Variants in SH3PXD2A observed in about 807,000 individuals in gnomAD.
SH3PXD2A encodes SH3 and PX domains 2A, also known as SH3 and PX domain-containing protein 2A.
SH3PXD2A carries 32 observed loss-of-function variants against 115.2 expected under a neutral mutation model. The ratio of observed to expected loss-of-function variants is 0.28; its 90% CI spans 0.21 to 0.37. The LOEUF (loss-of-function observed/expected upper bound fraction) is 0.37. Among genes scored for constraint, SH3PXD2A ranks in the 10% least tolerant of loss-of-function variants. The pLI is 1.00. For missense variants in SH3PXD2A, 1,328 were observed against 1,498.7 expected, an observed-to-expected ratio of 0.89 and a Z score of 1.88; for synonymous variants, 610 against 629.1, an observed-to-expected ratio of 0.97 and a Z score of 0.45.
chr10:103,731,543 G>A (rs1371259774), intron 4 of SH3PXD2A, among the ~76,000 whole-genome samples: 1 of 152,176 alleles, frequency 6.6e-6, no homozygotes, highest in Admixed American at 6.5e-5. Flanking sequence ...TACTATCTGG[G>A]TTGAGGGAGA....
At chr10:103,834,816 G>A (rs1047553692) in intron 1 of SH3PXD2A, among the ~76,000 whole-genome samples, 1 of 152,198 alleles carries the variant, frequency 6.6e-6, no homozygotes, top group Non-Finnish European at 1.5e-5. Context: ...CATGGCCGGT[G>A]GTGAACTCCA....
intron 14 of SH3PXD2A, 90 bp downstream of exon 14, chr10:103,605,708 G>C: frequency 6.5e-7 from 1 of 1,533,190 alleles, no homozygotes; most frequent in Non-Finnish European, 9.0e-7. Context: ...TGCCCCTCAG[G>C]AATCTTACTA....
At position 103,601,735 on chromosome 10, in the gene SH3PXD2A, C is replaced by T; in HGVS notation, c.*81G>A. On this transcript the variant is annotated 3_prime_UTR_variant, in exon 15 of 15. Coordinates refer to ENST00000369774, the MANE Select transcript of SH3PXD2A (RefSeq NM_001394015.1). ...CCCCACCCCCCACCCCCATTTTTTC[C>T]TTTCCCTTTTGTTCGTCTCACCGCT... 4.4e-6 allele frequency: 1 copy of T among 227,454 alleles called. No individual in the cohort carries two copies. The highest frequency in any genetic ancestry group is 8.2e-6 in the Non-Finnish European group (1 of 122,562). 14.1% of individuals were successfully genotyped at this position (227,454 alleles called of 1,614,324 possible).
chr10:103,621,617 G>A (rs1373654948), intron 10 of SH3PXD2A, among the ~76,000 whole-genome samples: 1 of 152,222 alleles, frequency 6.6e-6, no homozygotes, highest in Non-Finnish European at 1.5e-5. Context: ...CCGTCACTGT[G>A]AGAAGCACAC....
chr10:103,751,195 C>T (rs2038574378), intron 3 of SH3PXD2A, among the ~76,000 whole-genome samples: 4 of 152,338 alleles, frequency 2.6e-5, no homozygotes, highest in African/African-American at 9.6e-5. Context: ...AGAAAGAATT[C>T]ACGCATGATC....
chr10:103,849,652 G>A (rs141131195), intron 1 of SH3PXD2A, among the ~76,000 whole-genome samples: 65 of 152,316 alleles, frequency 4.3e-4, no homozygotes, highest in African/African-American at 1.5e-3. Context: ...AGAAGCCCGG[G>A]CCAGGCAGGA....
intron 1 of SH3PXD2A, among the ~76,000 whole-genome samples, chr10:103,817,793 CTGAG>C (rs1564896767): frequency 1.3e-5 from 2 of 152,164 alleles, no homozygotes. Context: ...AAACATTATG[CTGAG>C]TGAAAGAAGC....
At chr10:103,725,847 A>G (rs1347127703) in intron 4 of SH3PXD2A, among the ~76,000 whole-genome samples, 1 of 151,758 alleles carries the variant, frequency 6.6e-6, no homozygotes, top group African/African-American at 2.4e-5. Context: ...ATAAATAAAT[A>G]AAATAAAAAT....
chr10:103,779,526 T>C (rs1425751270), intron 2 of SH3PXD2A, among the ~76,000 whole-genome samples: 1 of 152,162 alleles, frequency 6.6e-6, no homozygotes, highest in East Asian at 1.9e-4. Context: ...AGGGGTCATC[T>C]GAAACAGAGG....
chr10:103,785,401 C>T (rs1564888582), intron 2 of SH3PXD2A, among the ~76,000 whole-genome samples: 3 of 152,152 alleles, frequency 2.0e-5, no homozygotes, highest in South Asian at 2.1e-4. Flanking sequence ...TCCTGCCCTC[C>T]GTGCCCCTAA....
chr10:103,681,487 G>A (rs542886348), intron 6 of SH3PXD2A, among the ~76,000 whole-genome samples: 87 of 152,366 alleles, frequency 5.7e-4, no homozygotes, highest in Non-Finnish European at 1.0e-3. Flanking sequence ...ATGCAGATTG[G>A]CTGGGTGCAG....
At chr10:103,764,046 G>T (rs912918343) in intron 3 of SH3PXD2A, among the ~76,000 whole-genome samples, 2 of 152,130 alleles carry the variant, frequency 1.3e-5, no homozygotes, top group African/African-American at 4.8e-5. Context: ...CTCATCTCAG[G>T]CTCTGCATTT....
chr10:103,597,765 T>A lies in SH3PXD2A; in HGVS notation c.*4051A>T, dbSNP rs1048972532. On this transcript the variant is annotated 3_prime_UTR_variant, in exon 15 of 15. Transcript: ENST00000369774. ...TCTTGGTAATATTGCACTTTTCCTGTCTCTCAGATTGTTTCCATTTTTGAT... is the reference window on the plus strand; with the variant it reads ...TCTTGGTAATATTGCACTTTTCCTGACTCTCAGATTGTTTCCATTTTTGAT... 6.5e-6 allele frequency: 1 copy of A among 152,682 alleles called. No homozygotes were observed. Among genetic ancestry groups the A allele is most frequent in the South Asian group, 2.1e-4 (1 of 4,836 alleles). 9.5% of individuals were successfully genotyped at this position (152,682 alleles called of 1,614,324 possible). A position where few individuals can be genotyped will look rare whatever the true frequency, so the allele number is the denominator to read the frequency against.
At chr10:103,733,194 C>T (rs1463502810) in intron 4 of SH3PXD2A, among the ~76,000 whole-genome samples, 2 of 152,176 alleles carry the variant, frequency 1.3e-5, no homozygotes, top group Non-Finnish European at 2.9e-5. Context: ...GGTCCCTCCT[C>T]TTGCAGACCC....
intron 2 of SH3PXD2A, among the ~76,000 whole-genome samples, chr10:103,780,821 C>A (rs2038925512): frequency 6.6e-6 from 1 of 152,238 alleles, no homozygotes; most frequent in African/African-American, 2.4e-5. Context: ...GAACCAGTCT[C>A]TAATGTTGCT....
chr10:103,782,937 G>A (rs4918051), intron 2 of SH3PXD2A, among the ~76,000 whole-genome samples: 3 of 140,342 alleles, frequency 2.1e-5, no homozygotes, highest in African/African-American at 9.0e-5. Context: ...ATGCCTTGGG[G>A]GGGGGGGCTC....
intron 2 of SH3PXD2A, among the ~76,000 whole-genome samples, chr10:103,795,932 CAGGAAGGAAGGA>C (rs938972216): frequency 5.1e-5 from 5 of 98,262 alleles, no homozygotes; most frequent in African/African-American, 7.2e-5. Context: ...GGAAGGAAGG[CAGGAAGGAAGGA>C]AGGAAGGAAG....
intron 2 of SH3PXD2A, among the ~76,000 whole-genome samples, chr10:103,796,528 A>C (rs1238277118): frequency 6.6e-6 from 1 of 152,026 alleles, no homozygotes; most frequent in African/African-American, 2.4e-5. Context: ...AGTGGACTTA[A>C]CTGTTTCCAA....
chr10:103,630,745 TA>T (rs57562821), intron 8 of SH3PXD2A, among the ~76,000 whole-genome samples: 5,597 of 117,368 alleles, frequency 0.048, 383 homozygotes, highest in African/African-American at 0.16. Flanking sequence ...TCCCTTCTCT[TA>T]AAAAAAAAAA....
Sources: gnomAD v4.1 joint callset for allele counts (sites outside exome capture counted in the v4.1 genomes callset) on GRCh38, gnomAD v4.1.1 for gene constraint, MANE v1.5 for transcripts, NCBI Gene and HGNC (gene_info 2026-07-23, HGNC 2026-07-21) for gene names.